Variants in SLC26A8 observed in about 807,000 individuals in gnomAD.
The protein encoded by SLC26A8 is testis anion transporter 1.
SLC26A8 carries 70 observed loss-of-function variants against 105.0 expected under a neutral mutation model. The ratio of observed to expected loss-of-function variants is 0.67; its 90% CI spans 0.55 to 0.81. The LOEUF (loss-of-function observed/expected upper bound fraction) is 0.81, where lower values mean the gene tolerates loss of function less well. SLC26A8 is among the 40% of genes least tolerant of loss of function. The probability of loss-of-function intolerance (pLI) is 0.00; values close to 1 mark genes in which losing one functional copy is unlikely to be tolerated. For synonymous variants in SLC26A8, 415 were observed against 438.3 expected (o/e 0.95, Z 0.66); for missense variants, 998 against 1,181.8 (o/e 0.84, Z 2.28).
chr6:35,964,699 A>T (rs1772435832), intron 11 of SLC26A8, among the ~76,000 whole-genome samples: 1 of 151,752 alleles, frequency 6.6e-6, no homozygotes, highest in Admixed American at 6.6e-5. Context: ...GGCATGGTGG[A>T]TCACGCCTGT....
At chr6:36,022,810 C>T (rs538753708) in intron 1 of SLC26A8, among the ~76,000 whole-genome samples, 2 of 151,766 alleles carry the variant, frequency 1.3e-5, no homozygotes, top group African/African-American at 2.4e-5. Flanking sequence ...ATCCTAGTGG[C>T]TCATTTTCAT....
chr6:35,944,232 C>G lies in SLC26A8; in HGVS notation c.2581G>C (p.Asp861His), dbSNP rs147178909. ...TCTTGTTCTGATTCCAGCTCCAAAT[C>G]CAACTCCGACTCCTCTTCTACAGGC... is the stretch of plus-strand genomic sequence containing the variant. ...QQPVEEESEL[D>H]LELESEQEAG... Residue 861 changes from aspartate to histidine, a missense_variant, in exon 20 of 20, where the codon GAT becomes CAT. Transcript: ENST00000490799. 184 of 1,613,970 alleles carry G rather than the reference C, an allele frequency of 1.1e-4. No individual in the cohort carries two copies. The highest frequency in any genetic ancestry group is 1.4e-4 in the Non-Finnish European group (167 of 1,179,998).
At chr6:35,995,192 C>T (rs1292406044) in intron 5 of SLC26A8, among the ~76,000 whole-genome samples, 1 of 152,212 alleles carries the variant, frequency 6.6e-6, no homozygotes, top group Non-Finnish European at 1.5e-5. Context: ...CCATCCCTGC[C>T]TTCCATCTTG....
chr6:35,953,792 T>C (rs1771959013), intron 17 of SLC26A8, among the ~76,000 whole-genome samples: 1 of 152,174 alleles, frequency 6.6e-6, no homozygotes, highest in African/African-American at 2.4e-5. Context: ...AGAAGGACAG[T>C]GAGCCAAGAC....
At chr6:35,970,752 G>A (rs1023128006) in intron 10 of SLC26A8, among the ~76,000 whole-genome samples, 6 of 152,130 alleles carry the variant, frequency 3.9e-5, no homozygotes, top group African/African-American at 1.4e-4. Context: ...TAGGCCAGGC[G>A]TGGTGGCTCG....
chr6:36,001,115 T>C (rs1231012928), intron 3 of SLC26A8, among the ~76,000 whole-genome samples: 1 of 152,106 alleles, frequency 6.6e-6, no homozygotes, highest in Non-Finnish European at 1.5e-5. Context: ...TGATCCACAA[T>C]GGCCAGTTGG....
chr6:35,975,633 G>T (rs932049277), intron 9 of SLC26A8, 145 bp from the exon 10 acceptor site: 14 of 579,534 alleles, frequency 2.4e-5, no homozygotes, highest in Non-Finnish European at 4.0e-5. Flanking sequence ...TTATTAGAAG[G>T]CCGGATGAGG....
Position 35,976,753 on chromosome 6 carries a change from C to T in SLC26A8, c.1173+451G>A, listed in dbSNP as rs372796503. ...TAGAGACAGGGTTTCACCGTGTTAGCCAGGATGGTCTTGATCTCCTGACCT... is the reference window on the plus strand; with the variant it reads ...TAGAGACAGGGTTTCACCGTGTTAGTCAGGATGGTCTTGATCTCCTGACCT... On this transcript the variant is annotated intron_variant, in intron 9 of 19. Transcript: ENST00000490799. Among the ~76,000 whole-genome samples the T allele has an allele frequency of 1.2e-4, 18 of 151,816 alleles. No individual in the cohort carries two copies. In the South Asian group the frequency reaches 3.5e-3, roughly 30 times the overall value.
intron 7 of SLC26A8, among the ~76,000 whole-genome samples, chr6:35,988,004 C>G (rs71569318): frequency 1.3e-5 from 2 of 151,170 alleles, no homozygotes; most frequent in Non-Finnish European, 2.9e-5. Flanking sequence ...CTCCGCCTCC[C>G]GGGTTAAGTG....
At chr6:36,022,785 C>T (rs1009628188) in intron 1 of SLC26A8, among the ~76,000 whole-genome samples, 2 of 151,674 alleles carry the variant, frequency 1.3e-5, no homozygotes, top group Admixed American at 1.3e-4. Context: ...TTATGTCTTT[C>T]TTGATTTCAT....
chr6:36,018,880 A>G (rs1762059537), intron 2 of SLC26A8, among the ~76,000 whole-genome samples: 1 of 152,168 alleles, frequency 6.6e-6, no homozygotes, highest in African/African-American at 2.4e-5. Flanking sequence ...ATATGAGACT[A>G]GAAGAATCTC....
At chr6:35,966,021 A>AT (rs1297825886) in intron 11 of SLC26A8, among the ~76,000 whole-genome samples, 5 of 148,074 alleles carry the variant, frequency 3.4e-5, no homozygotes, top group African/African-American at 1.2e-4. Flanking sequence ...AAAAAAAAAG[A>AT]TTTTCTTGTG....
At chr6:36,007,064 A>G (rs1158905342) in intron 3 of SLC26A8, among the ~76,000 whole-genome samples, 1 of 152,218 alleles carries the variant, frequency 6.6e-6, no homozygotes, top group Non-Finnish European at 1.5e-5. Context: ...CTTTCCCCCT[A>G]TGTTCAGGAA....
Position 35,959,482 on chromosome 6 carries a change from T to C in SLC26A8, c.1841A>G (p.Asp614Gly). 2 of 1,613,200 alleles carry C rather than the reference T, an allele frequency of 1.2e-6. No homozygotes were observed. The highest frequency in any genetic ancestry group is 4.5e-5 in the East Asian group (2 of 44,866). The change falls in exon 16 of 20, where the codon GAT becomes GGT. Residue 614 changes from aspartate to glycine, a missense_variant. Transcript: ENST00000490799. Reference sequence around the variant, plus strand: ...AACCCTGGGCAGCGGCTCCAGATCATCACAGTTGCAGAAACACCTGCAAAT... The same window carrying C: ...AACCCTGGGCAGCGGCTCCAGATCACCACAGTTGCAGAAACACCTGCAAAT... ...GKICRCFCNC[D>G]DLEPLPRILY...
At chr6:35,954,307 G>A (rs910095700) in intron 17 of SLC26A8, among the ~76,000 whole-genome samples, 2 of 152,166 alleles carry the variant, frequency 1.3e-5, no homozygotes, top group African/African-American at 4.8e-5. Context: ...CAGTGAGGAA[G>A]GAAGTGGGGA....
intron 2 of SLC26A8, among the ~76,000 whole-genome samples, chr6:36,015,169 G>A (rs1219373236): frequency 6.7e-6 from 1 of 149,388 alleles, no homozygotes; most frequent in South Asian, 2.1e-4. Context: ...GTGCAGTGGC[G>A]CAATCCCAGC....
chr6:36,004,409 G>A (rs1447578237), intron 3 of SLC26A8, among the ~76,000 whole-genome samples: 1 of 149,864 alleles, frequency 6.7e-6, no homozygotes. Flanking sequence ...TTAGTATCCA[G>A]CAACATTCAT....
intron 11 of SLC26A8, among the ~76,000 whole-genome samples, chr6:35,963,978 G>A (rs897024748): frequency 1.3e-4 from 20 of 152,174 alleles, no homozygotes; most frequent in African/African-American, 3.9e-4. Context: ...GTGAAGGTGA[G>A]GCAGGAGGAT....
intron 12 of SLC26A8, 29 bp from the exon 13 acceptor site, chr6:35,961,128 G>T (rs1209217223): frequency 1.3e-6 from 2 of 1,568,928 alleles, no homozygotes; most frequent in Non-Finnish European, 1.8e-6. Flanking sequence ...AGGGGAAAAT[G>T]ATCATGAAAA....
Sources: gnomAD v4.1 joint callset for allele counts (sites outside exome capture counted in the v4.1 genomes callset) on GRCh38, gnomAD v4.1.1 for gene constraint, MANE v1.5 for transcripts, NCBI Gene and HGNC (gene_info 2026-07-23, HGNC 2026-07-21) for gene names.